The following RAB38 variants were observed in gnomAD, a reference collection of about 807,000 sequenced individuals.
RAB38 encodes RAB38, member RAS oncogene family, also known as ras-related protein Rab-38.
RAB38 carries 15 observed loss-of-function variants against 18.4 expected under a neutral mutation model. The ratio of observed to expected loss-of-function variants is 0.82; its 90% confidence interval spans 0.55 to 1.26. The LOEUF (loss-of-function observed/expected upper bound fraction) is 1.26, where lower values mean the gene tolerates loss of function less well. RAB38 is among the 50% of genes most tolerant of loss of function. The pLI is 0.00. For synonymous variants in RAB38, 101 were observed against 104.4 expected (o/e 0.97, Z 0.20); for missense variants, 294 against 267.4 (o/e 1.10, Z -0.69).
At chr11:88,149,978 A>C in intron 1 of RAB38, 23 bp from the exon 2 acceptor site, 1 of 1,587,890 alleles carries the variant, frequency 6.3e-7, no homozygotes. Flanking sequence ...AGAAATAAAA[A>C]TAAAAATGTA....
chr11:88,031,024 T>C, the RAB38 span, among the ~76,000 whole-genome samples: 643 of 150,538 alleles, frequency 4.3e-3, 2 homozygotes, highest in African/African-American at 0.015. Flanking sequence ...AAAAAGCTTA[T>C]CCACCATGAT....
chr11:87,829,938 G>C, the RAB38 span, among the ~76,000 whole-genome samples: 1 of 152,034 alleles, frequency 6.6e-6, no homozygotes, highest in African/African-American at 2.4e-5. Context: ...TATGATGTTT[G>C]ATCTATATAC....
intron 1 of RAB38, among the ~76,000 whole-genome samples, chr11:88,159,167 A>C (rs1212537525): frequency 6.6e-6 from 1 of 151,548 alleles, no homozygotes; most frequent in Non-Finnish European, 1.5e-5. Flanking sequence ...CCAAGAGCCA[A>C]ATCAAGAACA....
the RAB38 span, among the ~76,000 whole-genome samples, chr11:88,090,795 G>A: frequency 1.3e-5 from 2 of 151,860 alleles, no homozygotes; most frequent in African/African-American, 2.4e-5. Flanking sequence ...TATCAGCCAA[G>A]GAGGATCCCC....
At chr11:88,018,800 G>A in the RAB38 span, among the ~76,000 whole-genome samples, 4 of 152,088 alleles carry the variant, frequency 2.6e-5, no homozygotes, top group Middle Eastern at 3.4e-3. Context: ...TACATCTTTA[G>A]AATTTGTATT....
At chr11:88,024,567 A>T in the RAB38 span, among the ~76,000 whole-genome samples, 1 of 152,224 alleles carries the variant, frequency 6.6e-6, no homozygotes, top group Admixed American at 6.5e-5. Context: ...CATTTTATCA[A>T]AGAGATATCT....
At chr11:88,147,719 C>A (rs1241717846) in intron 2 of RAB38, among the ~76,000 whole-genome samples, 1 of 151,944 alleles carries the variant, frequency 6.6e-6, no homozygotes, top group Non-Finnish European at 1.5e-5. Context: ...AGTGAAACCA[C>A]ATCTCTACTA....
chr11:87,874,401 A>C, the RAB38 span, among the ~76,000 whole-genome samples: 2 of 151,564 alleles, frequency 1.3e-5, no homozygotes, highest in Non-Finnish European at 3.0e-5. Flanking sequence ...GAAAACAAAT[A>C]ACTCAATTAA....
chr11:87,943,523 T>C, the RAB38 span, among the ~76,000 whole-genome samples: 4 of 152,210 alleles, frequency 2.6e-5, no homozygotes, highest in South Asian at 2.1e-4. Flanking sequence ...AAACAAATGA[T>C]TGATAGAAAA....
the RAB38 span, among the ~76,000 whole-genome samples, chr11:88,036,677 CTT>C: frequency 6.6e-6 from 1 of 151,926 alleles, no homozygotes; most frequent in Non-Finnish European, 1.5e-5. Flanking sequence ...GGTAGGGTCA[CTT>C]GTTTCTCTTT....
intron 1 of RAB38, among the ~76,000 whole-genome samples, chr11:88,151,645 A>G (rs894492063): frequency 6.6e-6 from 1 of 152,262 alleles, no homozygotes; most frequent in African/African-American, 2.4e-5. Context: ...ATCTAGGAAA[A>G]TATAGGTTAA....
At chr11:87,836,608 A>G in the RAB38 span, among the ~76,000 whole-genome samples, 1 of 151,976 alleles carries the variant, frequency 6.6e-6, no homozygotes, top group Non-Finnish European at 1.5e-5. Flanking sequence ...TCTTCTGCAT[A>G]CTCTAGCTAG....
the RAB38 span, among the ~76,000 whole-genome samples, chr11:87,824,376 GC>G: frequency 3.9e-4 from 60 of 152,150 alleles, no homozygotes; most frequent in African/African-American, 1.3e-3. Flanking sequence ...ATTATATAAG[GC>G]CTCCTTCTAA....
At chr11:88,170,890 A>G (rs1258960189) in intron 1 of RAB38, among the ~76,000 whole-genome samples, 1 of 152,204 alleles carries the variant, frequency 6.6e-6, no homozygotes. Flanking sequence ...TTTATTACCA[A>G]CAGACTTGGT....
the RAB38 span, among the ~76,000 whole-genome samples, chr11:87,811,646 C>G: frequency 4.6e-5 from 7 of 152,226 alleles, no homozygotes; most frequent in South Asian, 1.5e-3. Flanking sequence ...TATTTTTCCT[C>G]TTTTCTCTTC....
chr11:87,857,020 C>G, the RAB38 span, among the ~76,000 whole-genome samples: 7 of 152,156 alleles, frequency 4.6e-5, no homozygotes, highest in Admixed American at 2.6e-4. Flanking sequence ...CCGCTCCCCC[C>G]ACCCCACGAC....
intron 2 of RAB38, among the ~76,000 whole-genome samples, chr11:88,140,750 C>T (rs1395539044): frequency 1.3e-5 from 2 of 152,062 alleles, no homozygotes; most frequent in Non-Finnish European, 2.9e-5. Context: ...TAGAGATAAG[C>T]TTGGAGAAGC....
chr11:88,088,947 CAA>C, the RAB38 span, among the ~76,000 whole-genome samples: 5 of 148,816 alleles, frequency 3.4e-5, no homozygotes, highest in African/African-American at 9.9e-5. Context: ...CAGGAGCTGA[CAA>C]AAAAAAAAGA....
At chr11:87,864,956 T>C in the RAB38 span, among the ~76,000 whole-genome samples, 2 of 151,830 alleles carry the variant, frequency 1.3e-5, no homozygotes, top group East Asian at 3.9e-4. Flanking sequence ...TTCTACCTTA[T>C]AATTTGATTG....
Sources: gnomAD v4.1 joint callset for allele counts (sites outside exome capture counted in the v4.1 genomes callset) on GRCh38, gnomAD v4.1.1 for gene constraint, MANE v1.5 for transcripts, NCBI Gene and HGNC (gene_info 2026-07-23, HGNC 2026-07-21) for gene names.